Variants in NUFIP1 observed in about 807,000 individuals in gnomAD.
NUFIP1 encodes FMR1-interacting protein NUFIP1.
Under a neutral mutation model 56.2 loss-of-function variants are expected in NUFIP1, and 38 were observed. That is an observed-to-expected ratio of 0.68 (90% CI 0.52 to 0.89). The LOEUF is 0.89. NUFIP1 is among the 40% of genes least tolerant of loss of function. NUFIP1 has a pLI of 0.00. For missense variants in NUFIP1, 567 were observed against 605.8 expected (o/e 0.94, Z 0.67); for synonymous variants, 215 against 212.4 (o/e 1.01, Z -0.10).
At chr13:44,986,352 G>T (rs1872390743) in intron 1 of NUFIP1, among the ~76,000 whole-genome samples, 1 of 152,172 alleles carries the variant, frequency 6.6e-6, no homozygotes, top group Non-Finnish European at 1.5e-5. Flanking sequence ...GACTTCAGTG[G>T]AGGAAGTCAC....
intron 9 of NUFIP1, among the ~76,000 whole-genome samples, chr13:44,942,025 A>G (rs887402473): frequency 1.3e-5 from 2 of 151,562 alleles, no homozygotes; most frequent in African/African-American, 4.9e-5. Flanking sequence ...ATCCTGCCTC[A>G]GCCTCCCGAG....
In NUFIP1 at chr13:44,973,996, T is replaced by C. The variant is rs182024982; in HGVS notation, c.734+5194A>G. On this transcript the variant is annotated intron_variant, in intron 5 of 9. Coordinates refer to ENST00000379161, the MANE Select transcript of NUFIP1 (RefSeq NM_012345.3). ...TCTGGTTTCCAGTTCTATGGAGTTT[T>C]ATTCTCATAGGCATTTCAGCTGATT... 1.0e-3 allele frequency among the ~76,000 whole-genome samples: 152 copies of C among 152,370 alleles called. 1 individual carries two copies. Among genetic ancestry groups the C allele is most frequent in the African/African-American group, 3.0e-3 (123 of 41,584 alleles).
At chr13:44,960,910 G>A (rs1358511581) in intron 6 of NUFIP1, among the ~76,000 whole-genome samples, 1 of 151,996 alleles carries the variant, frequency 6.6e-6, no homozygotes, top group African/African-American at 2.4e-5. Context: ...AAAATAAGCT[G>A]GGCACGGTAG....
At chr13:44,980,496 A>G (rs563663057) in intron 3 of NUFIP1, among the ~76,000 whole-genome samples, 42 of 152,216 alleles carry the variant, frequency 2.8e-4, no homozygotes, top group African/African-American at 9.9e-4. Context: ...CACATACAAA[A>G]AGCTGTCAGA....
chr13:44,981,760 C>T (rs2137924892), intron 2 of NUFIP1, among the ~76,000 whole-genome samples: 1 of 152,044 alleles, frequency 6.6e-6, no homozygotes, highest in Non-Finnish European at 1.5e-5. Flanking sequence ...TGCAGTGAGC[C>T]AAGATCGTAC....
At chr13:44,987,583 CA>C (rs901058634) in intron 1 of NUFIP1, among the ~76,000 whole-genome samples, 29 of 148,038 alleles carry the variant, frequency 2.0e-4, no homozygotes, top group Admixed American at 8.7e-4. Context: ...AACGGAAAAC[CA>C]AAAAAAAAAT....
chr13:44,955,943 A>C (rs1011313012), intron 7 of NUFIP1, among the ~76,000 whole-genome samples: 6 of 151,772 alleles, frequency 4.0e-5, no homozygotes, highest in African/African-American at 1.5e-4. Context: ...GGAGATCGAG[A>C]CCATCCTGGC....
intron 5 of NUFIP1, among the ~76,000 whole-genome samples, chr13:44,968,975 G>T (rs903840151): frequency 6.6e-6 from 1 of 152,090 alleles, no homozygotes. Context: ...TCTCTTTCAG[G>T]CAGACTGCAG....
intron 6 of NUFIP1, among the ~76,000 whole-genome samples, chr13:44,962,384 T>G (rs1871453220): frequency 6.6e-6 from 1 of 152,256 alleles, no homozygotes; most frequent in African/African-American, 2.4e-5. Context: ...GTTTGTGGGC[T>G]CTATTCTGCT....
intron 5 of NUFIP1, among the ~76,000 whole-genome samples, chr13:44,975,946 A>C (rs1336709569): frequency 6.6e-6 from 1 of 152,270 alleles, no homozygotes; most frequent in Non-Finnish European, 1.5e-5. Context: ...TATACCCTTC[A>C]GTAAACTCAA....
chr13:44,945,105 G>A (rs1337174205), intron 8 of NUFIP1, among the ~76,000 whole-genome samples: 1 of 151,598 alleles, frequency 6.6e-6, no homozygotes, highest in Non-Finnish European at 1.5e-5. Flanking sequence ...TCTTTGAAAA[G>A]ATTAATAAAA....
In NUFIP1 at chr13:44,941,312, G is replaced by A. The variant is rs1228361407; in HGVS notation, c.1382C>T (p.Pro461Leu). 15 of 1,596,042 alleles carry A rather than the reference G, an allele frequency of 9.4e-6. No individual in the cohort carries two copies. Among genetic ancestry groups the A allele is most frequent in the African/African-American group, 1.4e-5 (1 of 73,798 alleles). Residue 461 changes from proline to leucine, a missense_variant, in exon 10 of 10, where the codon CCG (proline) becomes CTG (leucine). Transcript: ENST00000379161. ...HPYLLEMLLAPDIRHERNVIL... is the reference protein window; with the variant it reads ...HPYLLEMLLALDIRHERNVIL... ...CACATTTCTTTCATGTCGAATGTCC[G>A]GAGCTAGAAGCTAAAACACAATTTA... is the stretch of plus-strand genomic sequence containing the variant.
At chr13:44,963,448 C>G (rs986143889) in intron 6 of NUFIP1, among the ~76,000 whole-genome samples, 1 of 152,170 alleles carries the variant, frequency 6.6e-6, no homozygotes, top group African/African-American at 2.4e-5. Flanking sequence ...CCTTATCTTG[C>G]TTCTAATCTT....
At chr13:44,984,419 T>TC (rs1197586824) in intron 1 of NUFIP1, among the ~76,000 whole-genome samples, 1 of 152,118 alleles carries the variant, frequency 6.6e-6, no homozygotes, top group African/African-American at 2.4e-5. Flanking sequence ...GGCAAGCAGA[T>TC]CACTTGAGGT....
At chr13:44,952,635 G>A (rs550349688) in intron 7 of NUFIP1, among the ~76,000 whole-genome samples, 3 of 152,228 alleles carry the variant, frequency 2.0e-5, no homozygotes, top group Admixed American at 2.0e-4. Context: ...ATAGTACAGA[G>A]TCTCCATATA....
At chr13:44,948,594 CCA>C (rs1189449040) in intron 8 of NUFIP1, among the ~76,000 whole-genome samples, 1 of 152,104 alleles carries the variant, frequency 6.6e-6, no homozygotes, top group Non-Finnish European at 1.5e-5. Flanking sequence ...AATAAAATGA[CCA>C]CACAGAGCCA....
intron 7 of NUFIP1, among the ~76,000 whole-genome samples, chr13:44,955,822 T>C (rs1189732558): frequency 4.3e-5 from 3 of 69,650 alleles, no homozygotes; most frequent in African/African-American, 8.9e-5. Context: ...GCTGATGAGC[T>C]TAAAAAAAAA....
At chr13:44,986,582 C>T (rs1872403266) in intron 1 of NUFIP1, among the ~76,000 whole-genome samples, 2 of 151,260 alleles carry the variant, frequency 1.3e-5, no homozygotes, top group African/African-American at 4.9e-5. Context: ...GTCCCAGCTA[C>T]TAGGGAGGCT....
chr13:44,949,693 A>G (rs1300697359), intron 8 of NUFIP1, 29 bp downstream of exon 8: 1 of 1,422,668 alleles, frequency 7.0e-7, no homozygotes, highest in Non-Finnish European at 9.6e-7. Flanking sequence ...ACAAAACAAA[A>G]CCCTGTAACA....
Sources: gnomAD v4.1 joint callset for allele counts (sites outside exome capture counted in the v4.1 genomes callset) on GRCh38, gnomAD v4.1.1 for gene constraint, MANE v1.5 for transcripts, NCBI Gene and HGNC (gene_info 2026-07-23, HGNC 2026-07-21) for gene names.